PCDHA8: variants seen among roughly 807,000 people sequenced by gnomAD.
PCDHA8 encodes the protein protocadherin alpha 8, also known as protocadherin alpha-8.
In PCDHA8, 53 loss-of-function variants were observed where a neutral mutation model predicts 61.8. That is an observed-to-expected ratio of 0.86 (90% CI 0.69 to 1.08). The LOEUF (loss-of-function observed/expected upper bound fraction) is 1.08. PCDHA8 is among the 50% of genes least tolerant of loss of function. The pLI, the probability that PCDHA8 is intolerant of heterozygous loss-of-function variation, is 0.00. For missense variants in PCDHA8, 1,293 were observed against 1,245.0 expected, an observed-to-expected ratio of 1.04 and a Z score of -0.58; for synonymous variants, 618 against 556.6, an observed-to-expected ratio of 1.11 and a Z score of -1.55.
intron 1 of PCDHA8, chr5:140,883,444 T>C: frequency 3.1e-6 from 5 of 1,614,170 alleles, no homozygotes; most frequent in Non-Finnish European, 4.2e-6. Context: ...TGACGCCGCA[T>C]GTCCCCTTCA....
rs782603246 is a variant in PCDHA8, at chr5:140,883,847, G to T, written c.2394+40132G>T. On this transcript the variant is annotated intron_variant, in intron 1 of 3. Transcript: ENST00000531613. ...CGCGCTGCAGCCGTTGGACCACGAGGAGCTGGAGCTGTTGCAGTTCCAGGT... is the reference window on the plus strand; with the variant it reads ...CGCGCTGCAGCCGTTGGACCACGAGTAGCTGGAGCTGTTGCAGTTCCAGGT... 4.3e-6 allele frequency: 7 copies of T among 1,612,760 alleles called. No individual in the cohort carries two copies. The East Asian group carries it at 1.3e-4, about 31-fold the overall frequency.
At chr5:140,930,168 C>T (rs2086634095) in intron 1 of PCDHA8, 1 of 152,048 alleles carries the variant, frequency 6.6e-6, no homozygotes, top group Non-Finnish European at 1.5e-5. Context: ...TAATATTTTA[C>T]AAAGAGGAAA....
chr5:140,871,433 T>C (rs2053076165), intron 1 of PCDHA8: 3 of 1,612,290 alleles, frequency 1.9e-6, no homozygotes, highest in Non-Finnish European at 2.5e-6. Flanking sequence ...AGTCTTCCTC[T>C]AGGTCTGAAT....
intron 3 of PCDHA8, chr5:140,988,966 GGA>G (rs1339632887): frequency 2.0e-5 from 3 of 152,162 alleles, no homozygotes; most frequent in African/African-American, 7.2e-5. Flanking sequence ...GCCCCACGAT[GGA>G]GAGAAGCAGG....
chr5:140,870,731 C>G (rs782095287), intron 1 of PCDHA8: 1 of 1,613,444 alleles, frequency 6.2e-7, no homozygotes. Flanking sequence ...GGCGTGCCGC[C>G]TCTGAGCAGC....
At chr5:140,917,370 C>T (rs571895312) in intron 1 of PCDHA8, among the ~76,000 whole-genome samples, 1 of 150,338 alleles carries the variant, frequency 6.7e-6, no homozygotes, top group Non-Finnish European at 1.5e-5. Context: ...CTATCTTGCT[C>T]CACCTCAATA....
intron 3 of PCDHA8, among the ~76,000 whole-genome samples, chr5:140,997,904 A>G (rs1446627520): frequency 6.6e-6 from 1 of 152,224 alleles, no homozygotes; most frequent in Non-Finnish European, 1.5e-5. Flanking sequence ...TTCAAGAAGT[A>G]GAATTACAGA....
intron 1 of PCDHA8, among the ~76,000 whole-genome samples, chr5:140,881,865 T>C (rs1380240082): frequency 6.6e-6 from 1 of 152,222 alleles, no homozygotes; most frequent in Non-Finnish European, 1.5e-5. Flanking sequence ...AATAAATTTG[T>C]GGCAAAATGA....
chr5:140,857,481 C>A (rs1554150087), intron 1 of PCDHA8: 1 of 1,598,530 alleles, frequency 6.3e-7, no homozygotes, highest in East Asian at 2.2e-5. Flanking sequence ...ACGGTGTCTG[C>A]GTGGGACGCG....
At chr5:140,927,564 G>T (rs868927450) in intron 1 of PCDHA8, 1 of 1,614,150 alleles carries the variant, frequency 6.2e-7, no homozygotes. Context: ...TCATTGTGGT[G>T]GACACAAATG....
chr5:140,843,744 A>C, intron 1 of PCDHA8, 29 bp downstream of exon 1: 1 of 1,534,810 alleles, frequency 6.5e-7, no homozygotes, highest in Non-Finnish European at 8.9e-7. Context: ...AGAACTCATA[A>C]ATTCTATTTG....
intron 1 of PCDHA8, among the ~76,000 whole-genome samples, chr5:140,880,228 A>G (rs2058273237): frequency 6.6e-6 from 1 of 152,196 alleles, no homozygotes; most frequent in Non-Finnish European, 1.5e-5. Context: ...GAACATTTAA[A>G]TTAGTGTATG....
rs2150476768 is a variant in PCDHA8, at chr5:140,850,270, G to C, written c.2394+6555G>C. On this transcript the variant is annotated intron_variant, in intron 1 of 3. Transcript: ENST00000531613. ...TCGGTGGGCGCCGGCGTAGTGGTGG[G>C]GAAGGTGCGCGCAGTGGACGCCGAC... 8 of 1,594,948 alleles carry C rather than the reference G, an allele frequency of 5.0e-6. 1 individual carries two copies. In the Admixed American group the frequency reaches 5.1e-5, roughly 10 times the overall value.
At chr5:140,951,936 C>G (rs2153694375) in intron 1 of PCDHA8, among the ~76,000 whole-genome samples, 1 of 152,278 alleles carries the variant, frequency 6.6e-6, no homozygotes, top group Admixed American at 6.5e-5. Context: ...TCCCAAGATA[C>G]AGTGCGGGTA....
At chr5:140,884,722 T>C in intron 1 of PCDHA8, 2 of 1,460,382 alleles carry the variant, frequency 1.4e-6, no homozygotes, top group South Asian at 3.0e-5. Flanking sequence ...TGCAGTTGTT[T>C]GTTTAAGACA....
intron 1 of PCDHA8, among the ~76,000 whole-genome samples, chr5:140,874,267 A>G (rs929129030): frequency 6.6e-6 from 1 of 152,232 alleles, no homozygotes; most frequent in Non-Finnish European, 1.5e-5. Flanking sequence ...TGACTTGAGT[A>G]TTAATAGACT....
At chr5:140,968,125 T>G in intron 1 of PCDHA8, 2 of 1,614,174 alleles carry the variant, frequency 1.2e-6, no homozygotes, top group South Asian at 2.2e-5. Flanking sequence ...CATCCCTGCG[T>G]ACACTGAAGG....
intron 1 of PCDHA8, chr5:140,875,520 C>T: frequency 1.2e-6 from 2 of 1,614,004 alleles, no homozygotes; most frequent in Non-Finnish European, 1.7e-6. Flanking sequence ...GTCTGCTGCT[C>T]TCGCTTCTGC....
At chr5:140,921,832 A>G (rs1276240870) in intron 1 of PCDHA8, among the ~76,000 whole-genome samples, 1 of 152,120 alleles carries the variant, frequency 6.6e-6, no homozygotes, top group African/African-American at 2.4e-5. Flanking sequence ...CTATACACAT[A>G]TAGACATATT....
Sources: allele counts gnomAD v4.1 joint callset (sites outside exome capture counted in the v4.1 genomes callset), GRCh38; gene constraint gnomAD v4.1.1; transcripts MANE v1.5; gene names NCBI Gene and HGNC (gene_info 2026-07-23, HGNC 2026-07-21).